CLDN10: variants seen among roughly 807,000 people sequenced by gnomAD.
The protein encoded by CLDN10 is claudin-10.
In CLDN10, 15 loss-of-function variants were observed where a neutral mutation model predicts 22.9. The ratio of observed to expected loss-of-function variants is 0.65; its 90% CI spans 0.44 to 1.01. The LOEUF is 1.01. Among genes scored for constraint, CLDN10 ranks in the 50% least tolerant of loss-of-function variants. CLDN10 has a pLI of 0.00. For missense variants in CLDN10, 247 were observed against 287.8 expected, an observed-to-expected ratio of 0.86 and a Z score of 1.03; for synonymous variants, 114 against 111.4, an observed-to-expected ratio of 1.02 and a Z score of -0.15.
chr13:95,491,232 C>T (rs777881238), intron 1 of CLDN10, among the ~76,000 whole-genome samples: 22 of 152,094 alleles, frequency 1.4e-4, no homozygotes, highest in Non-Finnish European at 2.8e-4. Flanking sequence ...TTAAATGGAG[C>T]ATTTAGACCA....
At chr13:95,503,908 G>C (rs1010124571) in intron 1 of CLDN10, among the ~76,000 whole-genome samples, 1 of 152,158 alleles carries the variant, frequency 6.6e-6, no homozygotes, top group Admixed American at 6.5e-5. Context: ...TCTGGGGACT[G>C]GTTGCACAAA....
intron 1 of CLDN10, among the ~76,000 whole-genome samples, chr13:95,520,522 G>A (rs1185442200): frequency 2.6e-5 from 4 of 151,950 alleles, no homozygotes; most frequent in East Asian, 1.9e-4. Context: ...TACAGGTGCC[G>A]GCTTCCATGC....
At chr13:95,553,995 G>A (rs938074426) in intron 1 of CLDN10, among the ~76,000 whole-genome samples, 1 of 152,238 alleles carries the variant, frequency 6.6e-6, no homozygotes, top group South Asian at 2.1e-4. Flanking sequence ...TTTTATTACC[G>A]CACTTGCAGG....
At chr13:95,485,038 G>A (rs1037992975) in intron 1 of CLDN10, among the ~76,000 whole-genome samples, 5 of 152,122 alleles carry the variant, frequency 3.3e-5, no homozygotes, top group African/African-American at 1.2e-4. Context: ...AGCCTAGACA[G>A]ATGAGATGGG....
intron 1 of CLDN10, among the ~76,000 whole-genome samples, chr13:95,467,833 G>C (rs534684875): frequency 1.3e-5 from 2 of 152,300 alleles, no homozygotes; most frequent in East Asian, 1.9e-4. Flanking sequence ...AGGCCAGCAG[G>C]CTCAAAACTC....
At chr13:95,507,461 G>T (rs549634973) in intron 1 of CLDN10, among the ~76,000 whole-genome samples, 1 of 152,048 alleles carries the variant, frequency 6.6e-6, no homozygotes, top group Non-Finnish European at 1.5e-5. Flanking sequence ...TATTCTGAAG[G>T]ACATAAACCT....
chr13:95,452,163 T>A (rs1394956584), intron 1 of CLDN10, among the ~76,000 whole-genome samples: 1 of 152,150 alleles, frequency 6.6e-6, no homozygotes, highest in Non-Finnish European at 1.5e-5. Flanking sequence ...AACATACCCT[T>A]TTGAAATTTG....
chr13:95,560,163 C>A lies in CLDN10; in HGVS notation c.252C>A (p.Ile84=). The change falls in exon 2 of 5, where the codon ATC becomes ATA. Residue 84 remains isoleucine, a synonymous_variant. Transcript: ENST00000299339. The part of the protein sequence containing the change: ...GYIQACRGLM[I]AAVSLGFFGS... ...TACAGGCATGTAGAGGACTTATGAT[C>A]GCTGCTGTCAGCCTGGGCTTCTTTG... The A allele has an allele frequency of 6.2e-7, 1 of 1,614,132 alleles. No individual in the cohort carries two copies. The highest frequency in any genetic ancestry group is 8.5e-7 in the Non-Finnish European group (1 of 1,179,988).
upstream of CLDN10, chr13:95,552,581 G>A: frequency 1.4e-6 from 1 of 733,458 alleles, no homozygotes; most frequent in Non-Finnish European, 2.0e-6. Flanking sequence ...TCAAGGGACA[G>A]GGCATGGGTG....
intron 3 of CLDN10, among the ~76,000 whole-genome samples, chr13:95,575,900 G>A (rs2043918380): frequency 6.6e-6 from 1 of 152,208 alleles, no homozygotes; most frequent in African/African-American, 2.4e-5. Flanking sequence ...AATGTGATAT[G>A]TGTCTTAAAA....
At chr13:95,455,885 A>T (rs2042477977) in intron 1 of CLDN10, among the ~76,000 whole-genome samples, 1 of 152,242 alleles carries the variant, frequency 6.6e-6, no homozygotes, top group Non-Finnish European at 1.5e-5. Context: ...ATTCTATTTC[A>T]TACAGGTCAC....
At chr13:95,444,281 C>T (rs919972847) in intron 1 of CLDN10, among the ~76,000 whole-genome samples, 20 of 152,160 alleles carry the variant, frequency 1.3e-4, no homozygotes, top group Admixed American at 3.9e-4. Flanking sequence ...TTATAGAAAG[C>T]GCCACTGCTC....
chr13:95,510,904 A>C (rs2043089865), intron 1 of CLDN10, among the ~76,000 whole-genome samples: 1 of 152,186 alleles, frequency 6.6e-6, no homozygotes, highest in Non-Finnish European at 1.5e-5. Context: ...ATGTGAGACA[A>C]GTTATTCAGG....
At chr13:95,525,637 G>A (rs143021481) in intron 1 of CLDN10, among the ~76,000 whole-genome samples, 24 of 151,942 alleles carry the variant, frequency 1.6e-4, no homozygotes, top group East Asian at 1.4e-3. Context: ...GATTACAGGC[G>A]TGCACCACCG....
chr13:95,539,258 A>C (rs114118896), intron 1 of CLDN10, among the ~76,000 whole-genome samples: 1,627 of 152,334 alleles, frequency 0.011, 28 homozygotes, highest in African/African-American at 0.037. Context: ...TAGCAATGTA[A>C]AAGTAGAGGG....
Position 95,446,221 on chromosome 13 carries a change from T to C in CLDN10, c.214+12174T>C, listed in dbSNP as rs1403858825. 3.9e-5 allele frequency among the ~76,000 whole-genome samples: 6 copies of C among 152,298 alleles called. No individual in the cohort carries two copies. The East Asian group carries it at 1.2e-3, about 29-fold the overall frequency. Reference sequence around the variant, plus strand: ...GGTCGAGGGGGTTCTGCTAAGAGGCTGTAGAACCCCTTCCTGCACTGGCTG... The same window carrying C: ...GGTCGAGGGGGTTCTGCTAAGAGGCCGTAGAACCCCTTCCTGCACTGGCTG... On this transcript the variant is annotated intron_variant, in intron 1 of 4. Coordinates refer to the CLDN10 transcript ENST00000376873.
chr13:95,546,623 C>T lies in CLDN10; in HGVS notation c.215-13509C>T, dbSNP rs138240049. On this transcript the variant is annotated intron_variant, in intron 1 of 4. Transcript: ENST00000376873. ...CCTCTGATTTTCCCCACAATGTGAGCCACGTGGTAACTTGGGACTTCTGAG... is the reference window on the plus strand; with the variant it reads ...CCTCTGATTTTCCCCACAATGTGAGTCACGTGGTAACTTGGGACTTCTGAG... Among the ~76,000 whole-genome samples the T allele has an allele frequency of 1.4e-3, 207 of 152,286 alleles. 2 individuals are homozygous for T. The highest frequency in any genetic ancestry group is 4.7e-3 in the African/African-American group (197 of 41,562).
At chr13:95,532,968 CG>C (rs944393200) in intron 1 of CLDN10, among the ~76,000 whole-genome samples, 2 of 151,420 alleles carry the variant, frequency 1.3e-5, no homozygotes, top group African/African-American at 2.4e-5. Context: ...ACAAGAAAAA[CG>C]GGGGGAGTGG....
At chr13:95,547,129 T>G (rs2043517949) in intron 1 of CLDN10, among the ~76,000 whole-genome samples, 1 of 151,666 alleles carries the variant, frequency 6.6e-6, no homozygotes, top group Non-Finnish European at 1.5e-5. Flanking sequence ...CAAGTGATCT[T>G]GCTGCCTCAG....
Sources: allele counts gnomAD v4.1 joint callset (sites outside exome capture counted in the v4.1 genomes callset), GRCh38; gene constraint gnomAD v4.1.1; transcripts MANE v1.5; gene names NCBI Gene and HGNC (gene_info 2026-07-23, HGNC 2026-07-21).